Variants in SUCO observed in about 807,000 individuals in gnomAD.
SUCO encodes the protein SUN domain-containing ossification factor.
SUCO carries 57 observed loss-of-function variants against 148.1 expected under a neutral mutation model. The observed-to-expected ratio is 0.38, with a 90% CI of 0.31 to 0.48. The LOEUF is 0.48. SUCO is among the 20% of genes least tolerant of loss of function. The pLI is 0.96. For missense variants in SUCO, 1,331 were observed against 1,468.2 expected, an observed-to-expected ratio of 0.91 and a Z score of 1.53; for synonymous variants, 470 against 502.7, an observed-to-expected ratio of 0.93 and a Z score of 0.87.
chr1:172,558,879 A>G (rs1284893624), intron 6 of SUCO, among the ~76,000 whole-genome samples: 1 of 152,240 alleles, frequency 6.6e-6, no homozygotes, highest in Admixed American at 6.5e-5. Context: ...TCTCCTTAGC[A>G]GACTGAAATT....
chr1:172,561,268 G>A (rs1654130389), intron 6 of SUCO, among the ~76,000 whole-genome samples: 1 of 152,220 alleles, frequency 6.6e-6, no homozygotes, highest in African/African-American at 2.4e-5. Context: ...TAATGGTGGG[G>A]AGGTTCAGGT....
At chr1:172,609,013 T>A (rs1180420795) in intron 23 of SUCO, among the ~76,000 whole-genome samples, 4 of 152,194 alleles carry the variant, frequency 2.6e-5, no homozygotes, top group Non-Finnish European at 4.4e-5. Flanking sequence ...GTTTTCTCAT[T>A]TTTAAAGAGT....
At chr1:172,564,700 G>A (rs1654432143) in intron 6 of SUCO, among the ~76,000 whole-genome samples, 3 of 150,870 alleles carry the variant, frequency 2.0e-5, no homozygotes, top group African/African-American at 4.9e-5. Context: ...CCTCTTTCTT[G>A]AATAACTGGA....
At chr1:172,570,495 AT>A in intron 8 of SUCO, 167 bp from the exon 9 acceptor site, 2 of 585,544 alleles carry the variant, frequency 3.4e-6, no homozygotes, top group Non-Finnish European at 6.1e-6. Flanking sequence ...GTTGCCGTGA[AT>A]GGTGAATCTT....
At chr1:172,547,166 A>T (rs983909649) in intron 1 of SUCO, among the ~76,000 whole-genome samples, 18 of 152,132 alleles carry the variant, frequency 1.2e-4, no homozygotes, top group African/African-American at 4.3e-4. Context: ...CATGTGTTTG[A>T]CTTCTTTTAC....
chr1:172,539,448 A>T (rs754165891), intron 1 of SUCO, among the ~76,000 whole-genome samples: 33 of 152,222 alleles, frequency 2.2e-4, no homozygotes, highest in Non-Finnish European at 3.8e-4. Context: ...TATTTGCAGT[A>T]TAAGAGTGTT....
chr1:172,550,735 A>G (rs1416665255), intron 1 of SUCO: 1 of 196,314 alleles, frequency 5.1e-6, no homozygotes, highest in African/African-American at 2.4e-5. Context: ...TGTATTTTCC[A>G]TGTTAAATAT....
Position 172,610,190 on chromosome 1 carries a change from C to T in SUCO, c.3696C>T (p.Asp1232=). Residue 1232 remains aspartate, a synonymous_variant, in exon 24 of 24, where the codon GAC becomes GAT. Coordinates refer to ENST00000263688, the MANE Select transcript of SUCO (RefSeq NM_014283.5). ...CGGGATCATTGCCGAGCCTGCATGACATAATCAAAGGAAACAAAGAGATCA... is the reference window on the plus strand; with the variant it reads ...CGGGATCATTGCCGAGCCTGCATGATATAATCAAAGGAAACAAAGAGATCA... ...TKSGSLPSLH[D]IIKGNKEITV... is the part of the protein sequence containing the mutation. The T allele has an allele frequency of 1.2e-6, 2 of 1,612,924 alleles. No homozygotes were observed. Among genetic ancestry groups the T allele is most frequent in the Non-Finnish European group, 1.7e-6 (2 of 1,179,642 alleles).
chr1:172,590,899 TATATC>T, intron 18 of SUCO, 80 bp from the exon 19 acceptor site: 1 of 904,630 alleles, frequency 1.1e-6, no homozygotes, highest in African/African-American at 1.7e-5. Flanking sequence ...ATTTGTCTCA[TATATC>T]AAAATCAGAA....
intron 13 of SUCO, 89 bp from the exon 14 acceptor site, chr1:172,578,209 C>A: frequency 9.8e-7 from 1 of 1,024,516 alleles, no homozygotes; most frequent in Admixed American, 1.9e-5. Flanking sequence ...CAAAATATGA[C>A]CAAAGTTGAT....
At chr1:172,583,008 A>G (rs1418364914) in intron 15 of SUCO, among the ~76,000 whole-genome samples, 3 of 151,838 alleles carry the variant, frequency 2.0e-5, no homozygotes, top group South Asian at 2.1e-4. Flanking sequence ...GAAATCTCAT[A>G]TAAGATCTCA....
intron 9 of SUCO, among the ~76,000 whole-genome samples, chr1:172,572,696 TA>T (rs61248782): frequency 0.065 from 3,222 of 49,642 alleles, 13 homozygotes; most frequent in Non-Finnish European, 0.086. Context: ...GAATGATCAA[TA>T]AAAAAAAAAA....
intron 22 of SUCO, among the ~76,000 whole-genome samples, chr1:172,605,887 A>G (rs1398549333): frequency 6.6e-6 from 1 of 151,802 alleles, no homozygotes; most frequent in Non-Finnish European, 1.5e-5. Context: ...TCTTGTTCCA[A>G]AGGGAAAGCT....
chr1:172,579,572 A>C (rs1418548900), intron 15 of SUCO, among the ~76,000 whole-genome samples: 1 of 152,084 alleles, frequency 6.6e-6, no homozygotes, highest in Non-Finnish European at 1.5e-5. Context: ...AGAATTATTA[A>C]AACAGTCATA....
intron 6 of SUCO, among the ~76,000 whole-genome samples, chr1:172,560,364 C>T (rs1159290996): frequency 6.6e-6 from 1 of 152,206 alleles, no homozygotes; most frequent in Non-Finnish European, 1.5e-5. Context: ...GAATGTTAAT[C>T]TCAACCTGTC....
chr1:172,608,138 C>G, intron 22 of SUCO: 1 of 956,322 alleles, frequency 1.0e-6, no homozygotes, highest in African/African-American at 1.8e-5. Context: ...AATTTACTCA[C>G]TATGCCAGAA....
intron 19 of SUCO, among the ~76,000 whole-genome samples, chr1:172,592,473 C>T (rs559119503): frequency 9.9e-5 from 15 of 152,252 alleles, no homozygotes; most frequent in Admixed American, 9.2e-4. Context: ...AGGAAGGGAT[C>T]CAGTTTCAGC....
At chr1:172,603,742 C>CT (rs1282150109) in intron 22 of SUCO, among the ~76,000 whole-genome samples, 1 of 151,966 alleles carries the variant, frequency 6.6e-6, no homozygotes, top group Non-Finnish European at 1.5e-5. Context: ...ACCTCAAAAA[C>CT]TTCCTTGTGC....
intron 2 of SUCO, chr1:172,552,176 G>C (rs1653353815): frequency 1.3e-5 from 2 of 151,844 alleles, no homozygotes; most frequent in Admixed American, 1.3e-4. Flanking sequence ...ATTTATATTG[G>C]TATAAAATAT....
Sources: allele counts gnomAD v4.1 joint callset (sites outside exome capture counted in the v4.1 genomes callset), GRCh38; gene constraint gnomAD v4.1.1; transcripts MANE v1.5; gene names NCBI Gene and HGNC (gene_info 2026-07-23, HGNC 2026-07-21).